The following URGCP variants were observed in gnomAD, a reference collection of about 807,000 sequenced individuals.
URGCP encodes the protein upregulator of cell proliferation, also known as up-regulator of cell proliferation.
In URGCP, 13 loss-of-function variants were observed where a neutral mutation model predicts 24.6. That is an observed-to-expected ratio of 0.53 (90% CI 0.34 to 0.84). URGCP has a LOEUF of 0.84. Ranked by LOEUF, URGCP falls within the 40% of genes least tolerant of loss-of-function variation. The pLI is 0.01. For synonymous variants in URGCP, 444 were observed against 487.2 expected (o/e 0.91, Z 1.17); for missense variants, 899 against 1,194.3 (o/e 0.75, Z 3.64).
intron 1 of URGCP, among the ~76,000 whole-genome samples, chr7:43,899,496 G>GA (rs1043749654): frequency 4.6e-5 from 7 of 151,414 alleles, no homozygotes; most frequent in Admixed American, 3.9e-4. Context: ...TTGATTCTGT[G>GA]AAAAAATATT....
intron 1 of URGCP, among the ~76,000 whole-genome samples, chr7:43,894,457 T>A (rs2095875458): frequency 6.6e-6 from 1 of 152,100 alleles, no homozygotes. Context: ...CAAGCAATCC[T>A]CCCACCTCAG....
chr7:43,878,724 T>C lies in URGCP; in HGVS notation c.739A>G (p.Met247Val), dbSNP rs753975836. ...ACGCTGTCTTCCCGGAAGCTCCCCA[T>C]GCCCCTTGGGGGCTGGGACCACCAT... is the stretch of plus-strand genomic sequence containing the variant. ...RTWWSQPPRG[M>V]GSFREDSVVL... Residue 247 changes from methionine to valine, a missense_variant, in exon 6 of 6, where the codon ATG becomes GTG. By Grantham distance (21) the Met-to-Val change is conservative (BLOSUM62 1). Coordinates refer to ENST00000453200, the MANE Select transcript of URGCP (RefSeq NM_001077663.3). The surrounding 1 kb of genome is among the most constrained non-coding windows in gnomAD (Gnocchi z 5.6). 4.1e-5 allele frequency: 66 copies of C among 1,614,034 alleles called. 1 individual carries two copies. Among genetic ancestry groups the C allele is most frequent in the South Asian group, 4.1e-4 (37 of 91,090 alleles).
rs779938598 is a variant in URGCP, at chr7:43,902,231, C to A, written c.14+4331G>T. On this transcript the variant is annotated intron_variant, in intron 1 of 5. Coordinates refer to ENST00000453200, the MANE Select transcript of URGCP (RefSeq NM_001077663.3). Reference sequence around the variant, plus strand: ...GGTGCGTGTGCCCTCCTTCCTCAGGCAAGGACTCAGTCCACAGAGGAACAA... The same window carrying A: ...GGTGCGTGTGCCCTCCTTCCTCAGGAAAGGACTCAGTCCACAGAGGAACAA... 2.6e-5 allele frequency among the ~76,000 whole-genome samples: 4 copies of A among 152,160 alleles called. No homozygotes were observed. In the South Asian group the frequency reaches 8.3e-4, roughly 32 times the overall value.
At chr7:43,914,230 G>T (rs2095913195) in intron 1 of URGCP, among the ~76,000 whole-genome samples, 1 of 152,130 alleles carries the variant, frequency 6.6e-6, no homozygotes, top group Admixed American at 6.6e-5. Context: ...GCTGGGTGTG[G>T]TGGCTCACAC....
chr7:43,920,044 C>T, intron 1 of URGCP: 5 of 1,304,188 alleles, frequency 3.8e-6, no homozygotes, highest in South Asian at 3.6e-5. Flanking sequence ...TCTCCTGGGG[C>T]ACCCAGGAGC....
At chr7:43,919,524 C>T in intron 1 of URGCP, 1 of 1,313,596 alleles carries the variant, frequency 7.6e-7, no homozygotes, top group Non-Finnish European at 1.1e-6. Flanking sequence ...CTACACCCAG[C>T]TGACTATGGA....
At chr7:43,910,043 C>CA (rs2095908310), upstream of URGCP, among the ~76,000 whole-genome samples, 1 of 151,434 alleles carries the variant, frequency 6.6e-6, no homozygotes, top group Admixed American at 6.6e-5. Flanking sequence ...AACTCTATCT[C>CA]AAAAAAAATA....
intron 1 of URGCP, among the ~76,000 whole-genome samples, chr7:43,904,693 T>A (rs2132711463): frequency 6.6e-6 from 1 of 152,344 alleles, no homozygotes; most frequent in South Asian, 2.1e-4. Context: ...ATGAGTCACT[T>A]AACAACAGGG....
chr7:43,881,611 A>G (rs1348029833), intron 5 of URGCP, 48 bp downstream of exon 5: 4 of 1,613,400 alleles, frequency 2.5e-6, no homozygotes, highest in Non-Finnish European at 3.4e-6. Context: ...GGCCTAGATG[A>G]TAACCCCCTT....
rs1278229982 is a variant in URGCP, at chr7:43,906,563, C to T, written c.13G>A (p.Gly5Arg). 18 of 1,242,150 alleles carry T rather than the reference C, an allele frequency of 1.4e-5. No individual in the cohort carries two copies. Among genetic ancestry groups the T allele is most frequent in the Non-Finnish European group, 1.8e-5 (18 of 985,134 alleles). The allele number at this position is 1,242,150 out of a possible 1,614,324, so 76.9% of individuals were successfully genotyped here. The part of the protein sequence containing the change: MASP[G>R]IEVELLGKGH... Reference sequence around the variant, plus strand: ...CAGGGCCTGCGAGGCGGCACTCACCCGGGCGACGCCATGAGCGCAGCGAGG... The same window carrying T: ...CAGGGCCTGCGAGGCGGCACTCACCTGGGCGACGCCATGAGCGCAGCGAGG... Residue 5 changes from glycine (G) to arginine (R), a missense_variant and splice_region_variant, in exon 1 of 6, where the codon GGG (glycine) becomes AGG (arginine). Transcript: ENST00000453200.
intron 1 of URGCP, among the ~76,000 whole-genome samples, chr7:43,898,783 A>T (rs1442870317): frequency 4.2e-5 from 3 of 71,708 alleles, no homozygotes; most frequent in Admixed American, 1.6e-4. Flanking sequence ...ATAAATAAAT[A>T]AATAAATTTA....
In URGCP at chr7:43,877,267, G is replaced by A; in HGVS notation, c.2196C>T (p.Leu732=). The change falls in exon 6 of 6, where the codon CTC becomes CTT. Residue 732 remains leucine (L), a synonymous_variant. Coordinates refer to ENST00000453200, the MANE Select transcript of URGCP (RefSeq NM_001077663.3). ...GGCTGAAGCCCTCAGCCACTGTGATGAGCTGCATGAAGGCCCCTCGAGGAC... is the reference window on the plus strand; with the variant it reads ...GGCTGAAGCCCTCAGCCACTGTGATAAGCTGCATGAAGGCCCCTCGAGGAC... ...SCGPRGAFMQ[L]ITVAEGFSQD... is the part of the protein sequence containing the mutation. The A allele has an allele frequency of 6.2e-7, 1 of 1,614,046 alleles. No individual in the cohort carries two copies. Among genetic ancestry groups the A allele is most frequent in the Non-Finnish European group, 8.5e-7 (1 of 1,180,028 alleles).
upstream of URGCP, chr7:43,926,475 A>C (rs946913964): frequency 1.0e-4 from 142 of 1,417,758 alleles, no homozygotes; most frequent in Non-Finnish European, 1.0e-4. Context: ...CTGAGCCGGC[A>C]GCGGGCCGCC....
At position 43,877,677 on chromosome 7, in the gene URGCP, G is replaced by C. The variant is rs1336005499; in HGVS notation, c.1786C>G (p.His596Asp). 3 of 1,613,986 alleles carry C rather than the reference G, an allele frequency of 1.9e-6. No homozygotes were observed. The highest frequency in any genetic ancestry group is 2.5e-6 in the Non-Finnish European group (3 of 1,180,008). The change falls in exon 6 of 6, where the codon CAT becomes GAT. Residue 596 changes from histidine (H) to aspartate (D), a missense_variant. His to Asp is a moderately conservative substitution (Grantham distance 81). Transcript: ENST00000453200. ...PETLLTLRPK[H>D]GGTTDVGEPL... ...TCCCCCACGTCTGTGGTGCCCCCAT[G>C]CTTTGGTCTCAGGGTGAGAAGCGTC...
intron 1 of URGCP, among the ~76,000 whole-genome samples, chr7:43,921,869 T>C (rs547728662): frequency 1.1e-4 from 17 of 152,276 alleles, no homozygotes; most frequent in Middle Eastern, 3.4e-3. Context: ...TAATTGAGCA[T>C]TGAAATACAA....
At chr7:43,919,930 A>T (rs1478874902) in intron 1 of URGCP, 9 of 1,326,004 alleles carry the variant, frequency 6.8e-6, no homozygotes, top group Non-Finnish European at 9.8e-6. Flanking sequence ...TTCCGCAAGG[A>T]GGACATGTTC....
intron 3 of URGCP, among the ~76,000 whole-genome samples, chr7:43,882,945 A>G (rs1360735268): frequency 6.6e-6 from 1 of 152,212 alleles, no homozygotes. Flanking sequence ...TTATTCCAGC[A>G]TAAGGAATTT....
intron 1 of URGCP, among the ~76,000 whole-genome samples, chr7:43,913,906 C>T (rs183368663): frequency 4.6e-5 from 7 of 152,250 alleles, no homozygotes; most frequent in Admixed American, 3.3e-4. Flanking sequence ...ACCATGTTGG[C>T]CAGGCTGGTC....
chr7:43,912,973 C>T (rs1444368216), intron 1 of URGCP, among the ~76,000 whole-genome samples: 1 of 152,072 alleles, frequency 6.6e-6, no homozygotes, highest in African/African-American at 2.4e-5. Flanking sequence ...GCCTCAGCCT[C>T]CCATGTAGCT....
Sources: allele counts gnomAD v4.1 joint callset (sites outside exome capture counted in the v4.1 genomes callset), GRCh38; gene constraint gnomAD v4.1.1; non-coding constraint Gnocchi (gnomAD v3.1); transcripts MANE v1.5; gene names NCBI Gene and HGNC (gene_info 2026-07-23, HGNC 2026-07-21).